The following OTUD7A variants were observed in gnomAD, a reference collection of about 807,000 sequenced individuals.
The protein encoded by OTUD7A is OTU domain-containing protein 7A.
Under a neutral mutation model 65.7 loss-of-function variants are expected in OTUD7A, and 12 were observed. The ratio of observed to expected loss-of-function variants is 0.18; its 90% CI spans 0.12 to 0.30. The LOEUF is 0.30. OTUD7A is among the 10% of genes least tolerant of loss of function. The pLI is 1.00. For synonymous variants in OTUD7A, 641 were observed against 586.3 expected (o/e 1.09, Z -1.35); for missense variants, 1,148 against 1,304.8 (o/e 0.88, Z 1.85).
intron 1 of OTUD7A, among the ~76,000 whole-genome samples, chr15:31,825,160 G>T (rs900591870): frequency 6.6e-6 from 1 of 152,218 alleles, no homozygotes; most frequent in Non-Finnish European, 1.5e-5. Context: ...TCACCAGGAT[G>T]TCAGTCAGTC....
At chr15:31,830,066 C>A (rs1159482767) in intron 1 of OTUD7A, among the ~76,000 whole-genome samples, 1 of 152,174 alleles carries the variant, frequency 6.6e-6, no homozygotes, top group African/African-American at 2.4e-5. Flanking sequence ...GGTGGCTGTA[C>A]AGTCTCATCA....
At position 31,479,845 on chromosome 15, in the gene OTUD7A, T is replaced by C. The variant is rs1369399554; in HGVS notation, c.*3449A>G. ...TTAAATCATTTGGGAAAACATTCGA[T>C]TTGTAAATAGATTCAAATGCCACTG... On this transcript the variant is annotated 3_prime_UTR_variant, in exon 13 of 13. Transcript: ENST00000307050. 2 of 152,182 alleles carry C rather than the reference T, an allele frequency of 1.3e-5. No homozygotes were observed. Among genetic ancestry groups the C allele is most frequent in the Non-Finnish European group, 2.9e-5 (2 of 68,036 alleles). 9.4% of individuals were successfully genotyped at this position (152,182 alleles called of 1,614,324 possible).
chr15:31,629,295 A>C (rs1891066138), intron 3 of OTUD7A, among the ~76,000 whole-genome samples: 1 of 152,164 alleles, frequency 6.6e-6, no homozygotes, highest in Admixed American at 6.5e-5. Context: ...GAGAGTTTTT[A>C]GCATCAAGGG....
At chr15:31,549,067 C>T (rs1207892366) in intron 5 of OTUD7A, among the ~76,000 whole-genome samples, 1 of 148,902 alleles carries the variant, frequency 6.7e-6, no homozygotes, top group Non-Finnish European at 1.5e-5. Flanking sequence ...ACCCGGGAGA[C>T]ACAGGCTGGA....
intron 5 of OTUD7A, 69 bp downstream of exon 5, chr15:31,558,900 G>C (rs1888588040): frequency 1.3e-6 from 2 of 1,518,226 alleles, no homozygotes; most frequent in Non-Finnish European, 1.8e-6. Context: ...CTTGCTCATA[G>C]AGTAGGTTAG....
At chr15:31,536,320 T>C (rs1887801863) in intron 5 of OTUD7A, among the ~76,000 whole-genome samples, 1 of 152,186 alleles carries the variant, frequency 6.6e-6, no homozygotes, top group Non-Finnish European at 1.5e-5. Context: ...AATACTAAAA[T>C]TGTTTAAAAA....
chr15:31,811,390 T>G (rs1012795491), intron 1 of OTUD7A, among the ~76,000 whole-genome samples: 6 of 151,742 alleles, frequency 4.0e-5, no homozygotes, highest in African/African-American at 1.5e-4. Flanking sequence ...CTTGCATGTG[T>G]GGGGGGGTAT....
chr15:31,554,124 G>T (rs1263919999), intron 5 of OTUD7A, among the ~76,000 whole-genome samples: 2 of 152,148 alleles, frequency 1.3e-5, no homozygotes, highest in Non-Finnish European at 2.9e-5. Flanking sequence ...GCCCGCAGGT[G>T]TCTGTTGCTG....
At chr15:31,840,118 T>C (rs1410549515) in intron 1 of OTUD7A, among the ~76,000 whole-genome samples, 1 of 152,172 alleles carries the variant, frequency 6.6e-6, no homozygotes, top group East Asian at 1.9e-4. Context: ...TTGTATAGAC[T>C]ATTATAAAAT....
chr15:31,500,445 T>G (rs1274404312), intron 10 of OTUD7A, among the ~76,000 whole-genome samples: 1 of 152,246 alleles, frequency 6.6e-6, no homozygotes, highest in Non-Finnish European at 1.5e-5. Context: ...TCCTGGGAGC[T>G]CTGCATCTGC....
In OTUD7A at chr15:31,660,889, C is replaced by G. The variant is rs1176856799; in HGVS notation, c.-99-3812G>C. 3.3e-5 allele frequency among the ~76,000 whole-genome samples: 5 copies of G among 152,252 alleles called. 1 individual carries two copies. Among genetic ancestry groups the G allele is most frequent in the Non-Finnish European group, 7.3e-5 (5 of 68,048 alleles). On this transcript the variant is annotated intron_variant, in intron 1 of 12. Transcript: ENST00000307050. Reference sequence around the variant, plus strand: ...GAACTGAGGAAGGCTCCAGCAGCAACAGTGGGCAGTGCTGGGACACACCAC... The same window carrying G: ...GAACTGAGGAAGGCTCCAGCAGCAAGAGTGGGCAGTGCTGGGACACACCAC...
intron 1 of OTUD7A, among the ~76,000 whole-genome samples, chr15:31,728,993 G>GA (rs565139511): frequency 1.3e-4 from 20 of 152,298 alleles, no homozygotes; most frequent in Admixed American, 3.9e-4. Context: ...ACCAGGGTCT[G>GA]AAAATAGGTG....
intron 1 of OTUD7A, among the ~76,000 whole-genome samples, chr15:31,826,293 C>T (rs1896796051): frequency 6.6e-6 from 1 of 152,236 alleles, no homozygotes; most frequent in South Asian, 2.1e-4. Context: ...GTTCTCAAAC[C>T]TCAATTAATA....
chr15:31,669,712 C>T (rs1378902240), intron 1 of OTUD7A, among the ~76,000 whole-genome samples: 2 of 152,150 alleles, frequency 1.3e-5, no homozygotes, highest in African/African-American at 4.8e-5. Flanking sequence ...TGGAGACTTC[C>T]TTCTCCCTGT....
rs1385012190 is a variant in OTUD7A at position 31,539,455 on chromosome 15, G to A, written c.551-8647C>T. Among the ~76,000 whole-genome samples, 3 of 152,258 alleles carry A rather than the reference G, an allele frequency of 2.0e-5. No homozygotes were observed. In the East Asian group the frequency reaches 5.8e-4, roughly 29 times the overall value. On this transcript the variant is annotated intron_variant, in intron 5 of 12. Coordinates refer to ENST00000307050, the MANE Select transcript of OTUD7A (RefSeq NM_001382637.1). ...CAACAATGAGATATGACCATTGTAC[G>A]TGAACTGGCTGGGAATCTTAAAATA...
chr15:31,526,143 C>T (rs1283606475), intron 8 of OTUD7A, among the ~76,000 whole-genome samples: 1 of 152,248 alleles, frequency 6.6e-6, no homozygotes, highest in East Asian at 1.9e-4. Flanking sequence ...GCATACCCTT[C>T]CACTAGCACC....
intron 1 of OTUD7A, among the ~76,000 whole-genome samples, chr15:31,737,237 C>G (rs1422688778): frequency 6.6e-6 from 1 of 152,080 alleles, no homozygotes; most frequent in Non-Finnish European, 1.5e-5. Context: ...TTAGAAAAAT[C>G]GTTGAAACAC....
intron 2 of OTUD7A, among the ~76,000 whole-genome samples, chr15:31,655,499 G>C (rs1226146834): frequency 6.6e-6 from 1 of 150,954 alleles, no homozygotes; most frequent in African/African-American, 2.4e-5. Context: ...TGAGCCAAAT[G>C]TTTGTGTTCC....
intron 1 of OTUD7A, among the ~76,000 whole-genome samples, chr15:31,737,091 GA>G (rs536555627): frequency 1.2e-3 from 190 of 152,246 alleles, no homozygotes; most frequent in African/African-American, 4.5e-3. Flanking sequence ...CAAAGTGCTG[GA>G]ATTACAGATG....
Sources: allele counts gnomAD v4.1 joint callset (sites outside exome capture counted in the v4.1 genomes callset), GRCh38; gene constraint gnomAD v4.1.1; transcripts MANE v1.5; gene names NCBI Gene and HGNC (gene_info 2026-07-23, HGNC 2026-07-21).